KPNA4: variants seen among roughly 807,000 people sequenced by gnomAD.
The protein encoded by KPNA4 is karyopherin subunit alpha 4.
In KPNA4, 13 loss-of-function variants were observed where a neutral mutation model predicts 71.3. That is an observed-to-expected ratio of 0.18 (90% CI 0.12 to 0.29). KPNA4 has a LOEUF of 0.29. Among genes scored for constraint, KPNA4 ranks in the 10% least tolerant of loss-of-function variants. KPNA4 has a pLI of 1.00. For synonymous variants in KPNA4, 189 were observed against 195.2 expected (o/e 0.97, Z 0.26); for missense variants, 334 against 603.2 (o/e 0.55, Z 4.67).
rs1157276352 is a variant in KPNA4 at position 160,515,360 on chromosome 3, A to G, written c.1032+92T>C. 12 of 1,151,846 alleles carry G rather than the reference A, an allele frequency of 1.0e-5. No individual in the cohort carries two copies. The Admixed American group carries it at 2.3e-4, about 22-fold the overall frequency. 71.4% of individuals were successfully genotyped at this position (1,151,846 alleles called of 1,614,324 possible). A position where few individuals can be genotyped will look rare whatever the true frequency, so the allele number is the denominator to read the frequency against. On this transcript the variant is annotated intron_variant, in intron 12 of 16. Coordinates refer to ENST00000334256, the MANE Select transcript of KPNA4 (RefSeq NM_002268.5). ...AAATGACAGTTTGTATTAAGAATCAATATTACAGACATTTCTAAGACTCTA... is the reference window on the plus strand; with the variant it reads ...AAATGACAGTTTGTATTAAGAATCAGTATTACAGACATTTCTAAGACTCTA...
intron 7 of KPNA4, 104 bp downstream of exon 7, chr3:160,530,751 A>G: frequency 1.4e-6 from 1 of 736,166 alleles, no homozygotes; most frequent in South Asian, 1.8e-5. Flanking sequence ...CGTAGTAGCT[A>G]TTATTTTATA....
rs1422882602 is a variant in KPNA4 at position 160,511,360 on chromosome 3, C to T, written c.1138-1489G>A. On this transcript the variant is annotated intron_variant, in intron 13 of 16. Coordinates refer to ENST00000334256, the MANE Select transcript of KPNA4 (RefSeq NM_002268.5). Reference sequence around the variant, plus strand: ...GACTTCATGATCTGCCCGCCTCAGCCTCCCAAAGTGCTGGGATTACAGGCG... The same window carrying T: ...GACTTCATGATCTGCCCGCCTCAGCTTCCCAAAGTGCTGGGATTACAGGCG... Among the ~76,000 whole-genome samples, 81 of 152,290 alleles carry T rather than the reference C, an allele frequency of 5.3e-4. 1 individual carries two copies. The highest frequency in any genetic ancestry group is 5.9e-5 in the Non-Finnish European group (4 of 68,022).
Position 160,496,433 on chromosome 3 carries a change from A to T in KPNA4, c.*5671T>A, listed in dbSNP as rs1228220266. 6.6e-6 allele frequency: 1 copy of T among 152,168 alleles called. No homozygotes were observed. The highest frequency in any genetic ancestry group is 1.5e-5 in the Non-Finnish European group (1 of 68,046). The allele number at this position is 152,168 out of a possible 1,614,324, so 9.4% of individuals were successfully genotyped here. A position where few individuals can be genotyped will look rare whatever the true frequency, so the allele number is the denominator to read the frequency against. ...AGCATGTAGATTTAAGCAGATTACG[A>T]GTCATTTTAAACAGCTGTTTCAAAG... On this transcript the variant is annotated 3_prime_UTR_variant, in exon 17 of 17. Transcript: ENST00000334256.
intron 1 of KPNA4, among the ~76,000 whole-genome samples, chr3:160,546,731 T>C (rs141628678): frequency 7.4e-6 from 1 of 135,846 alleles, no homozygotes; most frequent in African/African-American, 2.7e-5. Context: ...TCTACTGAAT[T>C]CTGGTCTGTT....
At chr3:160,535,475 G>T in intron 5 of KPNA4, 38 bp downstream of exon 5, 1 of 1,517,042 alleles carries the variant, frequency 6.6e-7, no homozygotes, top group Non-Finnish European at 9.0e-7. Context: ...CCCTGTGTAA[G>T]TTGTAAAATC....
Position 160,504,984 on chromosome 3 carries a change from T to A in KPNA4, c.1441A>T (p.Ile481Phe). ...EDIYKLAYEI[I>F]DQFFSSDDID... ...TCATCTGAAGAGAAGAACTGATCAA[T>A]GATCTCATAGGCCAATTTGTAGATG... The change falls in exon 16 of 17, where the codon ATT (isoleucine) becomes TTT (phenylalanine). Residue 481 changes from isoleucine (I) to phenylalanine (F), a missense_variant. Physicochemically the swap from Ile to Phe is conservative, Grantham distance 21 (BLOSUM62 0). Transcript: ENST00000334256. 1 of 1,555,180 alleles carries A rather than the reference T, an allele frequency of 6.4e-7. No individual in the cohort carries two copies. Among genetic ancestry groups the A allele is most frequent in the Non-Finnish European group, 8.7e-7 (1 of 1,149,650 alleles).
At chr3:160,538,746 C>T (rs763946174) in intron 1 of KPNA4, among the ~76,000 whole-genome samples, 1 of 152,094 alleles carries the variant, frequency 6.6e-6, no homozygotes, top group Non-Finnish European at 1.5e-5. Flanking sequence ...ATTCATTCTG[C>T]TATACTCACA....
intron 9 of KPNA4, 32 bp downstream of exon 9, chr3:160,525,906 A>G (rs777905666): frequency 6.5e-7 from 1 of 1,535,948 alleles, no homozygotes; most frequent in Admixed American, 2.1e-5. Context: ...ATATAATGGT[A>G]TCTCTTTTAA....
intron 15 of KPNA4, 104 bp downstream of exon 15, chr3:160,508,003 A>G: frequency 1.2e-6 from 1 of 859,906 alleles, no homozygotes; most frequent in South Asian, 2.1e-5. Context: ...CTGTTACTTG[A>G]ATATCTAAGA....
chr3:160,531,669 C>T (rs1721577497), intron 5 of KPNA4, 112 bp from the exon 6 acceptor site: 2 of 490,992 alleles, frequency 4.1e-6, no homozygotes, highest in Non-Finnish European at 3.5e-6. Context: ...GGTACAAGTG[C>T]CTTCTCTGAA....
chr3:160,529,569 T>A (rs906065231), intron 7 of KPNA4, among the ~76,000 whole-genome samples: 17 of 136,800 alleles, frequency 1.2e-4, no homozygotes, highest in Admixed American at 2.1e-4. Flanking sequence ...TACAAATTAG[T>A]GCTTACATTT....
At position 160,535,655 on chromosome 3, in the gene KPNA4, A is replaced by G. The variant is rs1577056675; in HGVS notation, c.234+6T>C. On this transcript the variant is annotated splice_donor_region_variant and intron_variant, in intron 4 of 16. Coordinates refer to ENST00000334256, the MANE Select transcript of KPNA4 (RefSeq NM_002268.5). ...CAAATGAAGAGAGGGAAAAAATCCA[A>G]CTTACTTGAACAATAGCTTCTAGAG... The G allele has an allele frequency of 6.3e-7, 1 of 1,587,268 alleles. No individual in the cohort carries two copies. The highest frequency in any genetic ancestry group is 8.5e-7 in the Non-Finnish European group (1 of 1,171,572).
At position 160,535,514 on chromosome 3, in the gene KPNA4, T is replaced by G. The variant is rs1030109812; in HGVS notation, c.286A>C (p.Arg96=). ...ACATGTCTTCCAAATTCAACTTACC[T>G]AGCAGCTTGAACTGCACTTAATTGA... is the stretch of plus-strand genomic sequence containing the variant. ...GIQLSAVQAA[R]KLLSSDRNPP... The change falls in exon 5 of 17, where the codon AGG becomes CGG. Residue 96 remains arginine, a splice_region_variant and synonymous_variant. Coordinates refer to ENST00000334256, the MANE Select transcript of KPNA4 (RefSeq NM_002268.5). The G allele has an allele frequency of 6.3e-7, 1 of 1,596,100 alleles. No individual in the cohort carries two copies. The highest frequency in any genetic ancestry group is 1.3e-5 in the African/African-American group (1 of 74,496).
intron 1 of KPNA4, among the ~76,000 whole-genome samples, chr3:160,537,051 T>C (rs1721706382): frequency 6.6e-6 from 1 of 151,950 alleles, no homozygotes; most frequent in Non-Finnish European, 1.5e-5. Context: ...AAAAATCTCT[T>C]TGAAATTATT....
intron 11 of KPNA4, among the ~76,000 whole-genome samples, chr3:160,516,900 TAAGTA>T (rs1220811757): frequency 2.0e-5 from 3 of 152,128 alleles, no homozygotes; most frequent in African/African-American, 7.3e-5. Flanking sequence ...CATTTCCTGT[TAAGTA>T]AAGCTTTTTA....
chr3:160,507,583 T>G (rs1309410759), intron 15 of KPNA4, among the ~76,000 whole-genome samples: 1 of 151,732 alleles, frequency 6.6e-6, no homozygotes, highest in Non-Finnish European at 1.5e-5. Flanking sequence ...TACCCCATAC[T>G]GTGTGATTCA....
At chr3:160,519,754 C>G (rs1721306271) in intron 11 of KPNA4, among the ~76,000 whole-genome samples, 1 of 141,568 alleles carries the variant, frequency 7.1e-6, no homozygotes, top group Non-Finnish European at 1.5e-5. Flanking sequence ...GAGATTGTGC[C>G]ACTGCAGTCC....
chr3:160,503,316 A>G (rs2108541956), intron 16 of KPNA4, among the ~76,000 whole-genome samples: 1 of 152,316 alleles, frequency 6.6e-6, no homozygotes, highest in Middle Eastern at 3.4e-3. Context: ...TGAAAGTACA[A>G]AACAAAAAAT....
At chr3:160,550,946 A>T (rs1451666352) in intron 1 of KPNA4, among the ~76,000 whole-genome samples, 1 of 152,196 alleles carries the variant, frequency 6.6e-6, no homozygotes, top group East Asian at 1.9e-4. Flanking sequence ...CATTTTCCTC[A>T]AGGCTACTGG....
Sources: gnomAD v4.1 joint callset for allele counts (sites outside exome capture counted in the v4.1 genomes callset) on GRCh38, gnomAD v4.1.1 for gene constraint, MANE v1.5 for transcripts, NCBI Gene and HGNC (gene_info 2026-07-23, HGNC 2026-07-21) for gene names.